Variants in ORC4 observed in about 807,000 individuals in gnomAD.
The protein encoded by ORC4 is origin recognition complex subunit 4, also known as origin recognition complex, subunit 4 homolog.
A neutral mutation model predicts 63.9 loss-of-function variants in ORC4; 55 were observed. That is an observed-to-expected ratio of 0.86 (90% CI 0.69 to 1.08). ORC4 has a LOEUF of 1.08. Ranked by LOEUF, ORC4 falls within the 50% of genes least tolerant of loss-of-function variation. The pLI is 0.00. For synonymous variants in ORC4, 150 were observed against 168.5 expected, an observed-to-expected ratio of 0.89 and a Z score of 0.85; for missense variants, 511 against 504.4, an observed-to-expected ratio of 1.01 and a Z score of -0.13.
intron 1 of ORC4, among the ~76,000 whole-genome samples, chr2:148,015,469 C>T (rs147327022): frequency 0.013 from 1,902 of 151,886 alleles, 41 homozygotes; most frequent in African/African-American, 0.043. Flanking sequence ...CACCCGCCAC[C>T]ACGCCTGGCT....
intron 7 of ORC4, 149 bp downstream of exon 7, chr2:147,955,197 TG>T: frequency 1.6e-6 from 1 of 613,656 alleles, no homozygotes; most frequent in South Asian, 2.0e-5. Context: ...GTTATAGTGG[TG>T]GGAATACAGT....
At chr2:147,963,853 T>C (rs1381078047) in intron 4 of ORC4, among the ~76,000 whole-genome samples, 1 of 151,990 alleles carries the variant, frequency 6.6e-6, no homozygotes, top group African/African-American at 2.4e-5. Context: ...CTAGTGTGGA[T>C]TACAGCTGAA....
intron 4 of ORC4, among the ~76,000 whole-genome samples, chr2:147,967,961 T>C (rs1169259188): frequency 6.6e-6 from 1 of 151,962 alleles, no homozygotes; most frequent in Non-Finnish European, 1.5e-5. Context: ...TGTAGACCAA[T>C]AGAACAGAAT....
chr2:147,967,789 G>C (rs1558849163), intron 4 of ORC4, among the ~76,000 whole-genome samples: 1 of 151,644 alleles, frequency 6.6e-6, no homozygotes, highest in African/African-American at 2.4e-5. Flanking sequence ...CACAGAGATA[G>C]AAAAAAAATC....
At chr2:147,976,794 T>C (rs1690582565) in intron 1 of ORC4, among the ~76,000 whole-genome samples, 2 of 152,268 alleles carry the variant, frequency 1.3e-5, no homozygotes, top group South Asian at 4.1e-4. Flanking sequence ...ATTGCTACTG[T>C]TTCCAAATTG....
At chr2:147,984,594 T>C (rs1251482602) in intron 1 of ORC4, among the ~76,000 whole-genome samples, 1 of 152,164 alleles carries the variant, frequency 6.6e-6, no homozygotes, top group African/African-American at 2.4e-5. Context: ...GAGGAAATTC[T>C]CATTACTGCA....
intron 8 of ORC4, 109 bp from the exon 9 acceptor site, chr2:147,948,333 G>T: frequency 1.4e-6 from 1 of 697,226 alleles, no homozygotes; most frequent in Non-Finnish European, 2.5e-6. Context: ...AATTAGTAAT[G>T]TTTAGTCTAC....
At chr2:147,981,256 T>C (rs532639810) in intron 1 of ORC4, among the ~76,000 whole-genome samples, 3 of 152,324 alleles carry the variant, frequency 2.0e-5, no homozygotes, top group Admixed American at 1.3e-4. Flanking sequence ...TCTTTTAATC[T>C]GATAACCTAG....
At chr2:147,988,840 A>G (rs1336743462) in intron 1 of ORC4, among the ~76,000 whole-genome samples, 2 of 152,010 alleles carry the variant, frequency 1.3e-5, no homozygotes, top group African/African-American at 4.8e-5. Flanking sequence ...AAATAAAAGT[A>G]GGAAAGAAAC....
intron 1 of ORC4, among the ~76,000 whole-genome samples, chr2:148,014,951 G>T (rs912298801): frequency 5.9e-5 from 9 of 152,012 alleles, no homozygotes; most frequent in African/African-American, 2.2e-4. Flanking sequence ...AAGCAAGATT[G>T]TAATTTTCAG....
intron 1 of ORC4, among the ~76,000 whole-genome samples, chr2:148,018,862 T>A (rs927964142): frequency 6.6e-6 from 1 of 152,334 alleles, no homozygotes; most frequent in African/African-American, 2.4e-5. Flanking sequence ...AGGAATAGAA[T>A]GGAGAGGGGA....
chr2:148,021,118 A>G (rs937419468), upstream of ORC4: 3 of 142,650 alleles, frequency 2.1e-5, no homozygotes, highest in Non-Finnish European at 3.1e-5. Context: ...CAGCAGCAGC[A>G]GCTGATGATG....
intron 4 of ORC4, among the ~76,000 whole-genome samples, chr2:147,965,217 GAAGT>G (rs1462860357): frequency 1.3e-5 from 2 of 151,768 alleles, no homozygotes; most frequent in African/African-American, 4.8e-5. Flanking sequence ...TAAATGAGAG[GAAGT>G]AAGAAACAAA....
At chr2:147,965,557 A>C (rs6729465) in intron 4 of ORC4, among the ~76,000 whole-genome samples, 49,518 of 152,016 alleles carry the variant, frequency 0.33, 8,305 homozygotes, top group East Asian at 0.51. Flanking sequence ...CCCAACACTG[A>C]AACACTCAGA....
At chr2:148,005,294 A>G (rs763012170) in intron 1 of ORC4, among the ~76,000 whole-genome samples, 6 of 152,148 alleles carry the variant, frequency 3.9e-5, no homozygotes, top group Non-Finnish European at 5.9e-5. Flanking sequence ...TTCTCAGCAA[A>G]CTAATACAGG....
At chr2:147,961,459 AAAAG>A (rs1689587042) in intron 4 of ORC4, among the ~76,000 whole-genome samples, 1 of 151,930 alleles carries the variant, frequency 6.6e-6, no homozygotes, top group African/African-American at 2.4e-5. Flanking sequence ...AAAGAAAAGA[AAAAG>A]AAAAAAATTA....
chr2:147,978,556 T>C (rs1228019526), intron 1 of ORC4, among the ~76,000 whole-genome samples: 1 of 152,186 alleles, frequency 6.6e-6, no homozygotes, highest in Non-Finnish European at 1.5e-5. Context: ...TCTCAGACCA[T>C]AGCCAAGTTA....
intron 7 of ORC4, among the ~76,000 whole-genome samples, chr2:147,952,769 G>A (rs938870525): frequency 1.3e-5 from 2 of 152,172 alleles, no homozygotes; most frequent in African/African-American, 2.4e-5. Flanking sequence ...GCTCATGCCT[G>A]TAATCCCAGC....
At chr2:147,961,361 C>T (rs781161021) in intron 4 of ORC4, among the ~76,000 whole-genome samples, 9 of 151,328 alleles carry the variant, frequency 5.9e-5, no homozygotes, top group Non-Finnish European at 1.2e-4. Flanking sequence ...TGCTTGAGCC[C>T]GCGAGGCAGA....
Sources: gnomAD v4.1 joint callset for allele counts (sites outside exome capture counted in the v4.1 genomes callset) on GRCh38, gnomAD v4.1.1 for gene constraint, MANE v1.5 for transcripts, NCBI Gene and HGNC (gene_info 2026-07-23, HGNC 2026-07-21) for gene names.